DOCK4: variants seen among roughly 807,000 people sequenced by gnomAD.
DOCK4 encodes dedicator of cytokinesis protein 4.
Under a neutral mutation model 268.1 loss-of-function variants are expected in DOCK4, and 97 were observed. The observed-to-expected ratio is 0.36, with a 90% CI of 0.31 to 0.43. The LOEUF (loss-of-function observed/expected upper bound fraction) is 0.43, where lower values mean the gene tolerates loss of function less well. DOCK4 is among the 20% of genes least tolerant of loss of function. The pLI, the probability that DOCK4 is intolerant of heterozygous loss-of-function variation, is 1.00. For missense variants in DOCK4, 2,145 were observed against 2,455.7 expected (o/e 0.87, Z 2.67); for synonymous variants, 954 against 887.2 (o/e 1.08, Z -1.34).
intron 15 of DOCK4, among the ~76,000 whole-genome samples, chr7:111,896,004 C>T (rs1808717734): frequency 6.6e-6 from 1 of 152,104 alleles, no homozygotes; most frequent in African/African-American, 2.4e-5. Flanking sequence ...TCTTTTTACC[C>T]CAAAGTCCCA....
At position 111,788,651 on chromosome 7, in the gene DOCK4, A is replaced by T; in HGVS notation, c.3401+11T>A. 2 of 1,568,814 alleles carry T rather than the reference A, an allele frequency of 1.3e-6. No individual in the cohort carries two copies. Among genetic ancestry groups the T allele is most frequent in the Non-Finnish European group, 1.7e-6 (2 of 1,154,094 alleles). On this transcript the variant is annotated intron_variant, in intron 32 of 52. Coordinates refer to ENST00000428084, the MANE Select transcript of DOCK4 (RefSeq NM_001363540.2). The stretch of plus-strand genomic sequence containing the variant: ...AGAATGGAATCAACTTGAGATAAAC[A>T]TATTACTCACATACTGTTGAAGAGC...
At chr7:112,006,771 C>T (rs1335231140) in intron 1 of DOCK4, among the ~76,000 whole-genome samples, 2 of 152,150 alleles carry the variant, frequency 1.3e-5, no homozygotes, top group Non-Finnish European at 2.9e-5. Flanking sequence ...TAATCACTGC[C>T]TGTGATCAAG....
intron 39 of DOCK4, among the ~76,000 whole-genome samples, chr7:111,762,200 A>C (rs906809303): frequency 1.3e-5 from 2 of 152,156 alleles, no homozygotes; most frequent in African/African-American, 2.4e-5. Flanking sequence ...TTCTAAAAAA[A>C]CACATAGATT....
intron 42 of DOCK4, among the ~76,000 whole-genome samples, chr7:111,748,341 A>C (rs1796412187): frequency 6.6e-6 from 1 of 152,198 alleles, no homozygotes. Context: ...ATAAGCAAGA[A>C]CATAGAAGAT....
At chr7:112,161,083 G>A (rs1817076324) in intron 1 of DOCK4, among the ~76,000 whole-genome samples, 1 of 152,134 alleles carries the variant, frequency 6.6e-6, no homozygotes, top group Non-Finnish European at 1.5e-5. Flanking sequence ...TTTTGTAAGT[G>A]GCAAATTTCC....
At chr7:111,908,838 A>G (rs1445791413) in intron 13 of DOCK4, among the ~76,000 whole-genome samples, 6 of 152,186 alleles carry the variant, frequency 3.9e-5, no homozygotes, top group Admixed American at 3.3e-4. Context: ...AGCTTCATCC[A>G]TGTCCCTGCA....
chr7:112,176,788 G>A (rs543480292), intron 1 of DOCK4, among the ~76,000 whole-genome samples: 11 of 152,104 alleles, frequency 7.2e-5, no homozygotes, highest in South Asian at 2.1e-4. Flanking sequence ...ACTGTGTTCC[G>A]CGTTGAAATT....
At chr7:112,042,367 G>C (rs896498645) in intron 1 of DOCK4, among the ~76,000 whole-genome samples, 2 of 152,148 alleles carry the variant, frequency 1.3e-5, no homozygotes, top group Non-Finnish European at 2.9e-5. Context: ...AGATCATCTT[G>C]AAAGTGTGAA....
chr7:112,127,987 C>T (rs562669587), intron 1 of DOCK4, among the ~76,000 whole-genome samples: 1 of 152,322 alleles, frequency 6.6e-6, no homozygotes, highest in East Asian at 1.9e-4. Flanking sequence ...CAAGATTGTG[C>T]CACTGCACTC....
intron 23 of DOCK4, among the ~76,000 whole-genome samples, chr7:111,857,971 T>C (rs1805149316): frequency 6.6e-6 from 1 of 152,228 alleles, no homozygotes; most frequent in Admixed American, 6.5e-5. Flanking sequence ...CCCAGATTAT[T>C]TAGACATTAA....
chr7:111,852,699 G>C (rs1487400095), intron 23 of DOCK4, among the ~76,000 whole-genome samples: 1 of 152,206 alleles, frequency 6.6e-6, no homozygotes, highest in African/African-American at 2.4e-5. Flanking sequence ...AATAATTTGT[G>C]TGTGGCATGT....
intron 12 of DOCK4, among the ~76,000 whole-genome samples, chr7:111,919,572 G>C (rs1244816881): frequency 1.3e-5 from 2 of 152,182 alleles, no homozygotes; most frequent in Non-Finnish European, 2.9e-5. Context: ...ATAGATTAAA[G>C]CCCTCAGTGT....
chr7:111,729,769 G>A (rs974749596), intron 52 of DOCK4, among the ~76,000 whole-genome samples: 1 of 152,216 alleles, frequency 6.6e-6, no homozygotes, highest in African/African-American at 2.4e-5. Flanking sequence ...AGGAGGAGGA[G>A]CAGAGGCACC....
At chr7:111,936,513 G>A (rs980903262) in intron 11 of DOCK4, among the ~76,000 whole-genome samples, 1 of 152,032 alleles carries the variant, frequency 6.6e-6, no homozygotes, top group African/African-American at 2.4e-5. Context: ...TGGATGGATG[G>A]ATGGATGGAT....
In DOCK4 at chr7:111,741,181, A is replaced by G; in HGVS notation, c.4953T>C (p.Ser1651=). The G allele has an allele frequency of 6.2e-7, 1 of 1,614,026 alleles. No homozygotes were observed. Among genetic ancestry groups the G allele is most frequent in the East Asian group, 2.2e-5 (1 of 44,878 alleles). The change falls in exon 47 of 53, where the codon TCT becomes TCC. Residue 1651 remains serine, a synonymous_variant. Coordinates refer to ENST00000428084, the MANE Select transcript of DOCK4 (RefSeq NM_001363540.2). The part of the protein sequence containing the change: ...PLSYPAVNRY[S]SSSLSSQASA... Reference sequence around the variant, plus strand: ...AAGCTTGTGAGGACAGTGAGGAGGAAGAATATCGGTTGACAGCTGGGTAAC... The same window carrying G: ...AAGCTTGTGAGGACAGTGAGGAGGAGGAATATCGGTTGACAGCTGGGTAAC...
At chr7:112,101,675 C>T (rs1391893074) in intron 1 of DOCK4, among the ~76,000 whole-genome samples, 8 of 152,138 alleles carry the variant, frequency 5.3e-5, no homozygotes, top group Admixed American at 5.2e-4. Flanking sequence ...CTCAAGCTGG[C>T]ACATAGACTC....
intron 6 of DOCK4, among the ~76,000 whole-genome samples, chr7:111,987,051 C>T (rs761872606): frequency 1.7e-4 from 26 of 152,144 alleles, no homozygotes; most frequent in Non-Finnish European, 2.4e-4. Context: ...TTCATAATCT[C>T]TGTACTGTAA....
chr7:112,024,467 G>A (rs1802601893), intron 1 of DOCK4, among the ~76,000 whole-genome samples: 1 of 152,072 alleles, frequency 6.6e-6, no homozygotes, highest in Admixed American at 6.5e-5. Context: ...TGCATTCCCG[G>A]CTGCTCAGGC....
chr7:111,910,986 A>G (rs552861432), intron 13 of DOCK4, among the ~76,000 whole-genome samples: 15 of 152,316 alleles, frequency 9.8e-5, no homozygotes, highest in African/African-American at 3.4e-4. Context: ...CCCATTTCAA[A>G]AAGAGTCTGG....
Sources: gnomAD v4.1 joint callset for allele counts (sites outside exome capture counted in the v4.1 genomes callset) on GRCh38, gnomAD v4.1.1 for gene constraint, MANE v1.5 for transcripts, NCBI Gene and HGNC (gene_info 2026-07-23, HGNC 2026-07-21) for gene names.